CCDC141: variants seen among roughly 807,000 people sequenced by gnomAD.
CCDC141 encodes the protein coiled-coil domain containing 141, also known as coiled-coil domain-containing protein 141.
In CCDC141, 168 loss-of-function variants were observed where a neutral mutation model predicts 181.0. The observed-to-expected ratio is 0.93, with a 90% confidence interval of 0.82 to 1.05. The LOEUF is 1.05. Among genes scored for constraint, CCDC141 ranks in the 50% least tolerant of loss-of-function variants. CCDC141 has a pLI of 0.00. For synonymous variants in CCDC141, 666 were observed against 642.3 expected, an observed-to-expected ratio of 1.04 and a Z score of -0.56; for missense variants, 1,902 against 1,788.5, an observed-to-expected ratio of 1.06 and a Z score of -1.14.
intron 8 of CCDC141, among the ~76,000 whole-genome samples, chr2:178,893,417 A>G (rs1687250107): frequency 6.6e-6 from 1 of 152,154 alleles, no homozygotes; most frequent in Admixed American, 6.5e-5. Context: ...CAAACCTTTC[A>G]TAAATTACTA....
At position 178,886,817 on chromosome 2, in the gene CCDC141, C is replaced by A; in HGVS notation, c.1462G>T (p.Gly488Cys). The stretch of plus-strand genomic sequence containing the variant: ...TTCTCTGATTCAGAACGGGTAGAAC[C>A]AACATCCATTGCATTAGAAAGTACT... ...SPVLSNAMDV[G>C]STRSESEKIL... The change falls in exon 10 of 24, where the codon GGT becomes TGT. Residue 488 changes from glycine (G) to cysteine (C), a missense_variant. Coordinates refer to ENST00000443758, the MANE Select transcript of CCDC141 (RefSeq NM_173648.4). 1.4e-6 allele frequency: 2 copies of A among 1,476,468 alleles called. No homozygotes were observed. The highest frequency in any genetic ancestry group is 1.8e-6 in the Non-Finnish European group (2 of 1,115,518). The allele number at this position is 1,476,468 out of a possible 1,614,324, so 91.5% of individuals were successfully genotyped here.
chr2:178,910,529 C>T (rs1459646344), intron 7 of CCDC141, among the ~76,000 whole-genome samples: 2 of 152,174 alleles, frequency 1.3e-5, no homozygotes, highest in Admixed American at 6.5e-5. Flanking sequence ...CCCTTAGGTT[C>T]TGTTACAAAG....
chr2:179,045,376 T>C (rs546621845), intron 2 of CCDC141, among the ~76,000 whole-genome samples: 1 of 147,664 alleles, frequency 6.8e-6, no homozygotes, highest in South Asian at 2.2e-4. Context: ...TATTCCATGG[T>C]GTATATGTGC....
intron 19 of CCDC141, among the ~76,000 whole-genome samples, chr2:178,853,954 C>A (rs1342190999): frequency 6.6e-6 from 1 of 152,060 alleles, no homozygotes; most frequent in Non-Finnish European, 1.5e-5. Context: ...TAAGAACAGG[C>A]AGGATAAAAA....
Position 178,833,465 on chromosome 2 carries a change from G to A in CCDC141, c.*708C>T, listed in dbSNP as rs543699266. 3 of 152,200 alleles carry A rather than the reference G, an allele frequency of 2.0e-5. No individual in the cohort carries two copies. Among genetic ancestry groups the A allele is most frequent in the East Asian group, 1.9e-4 (1 of 5,206 alleles). 9.4% of individuals were successfully genotyped at this position (152,200 alleles called of 1,614,324 possible). On this transcript the variant is annotated 3_prime_UTR_variant, in exon 24 of 24. Coordinates refer to ENST00000443758, the MANE Select transcript of CCDC141 (RefSeq NM_173648.4). ...CATTGCTGCTCAAAACACATCAATA[G>A]AATGTCAGGAATAACGTTGGTTCTT... is the stretch of plus-strand genomic sequence containing the variant.
chr2:178,920,506 G>A (rs1011861070), intron 6 of CCDC141, among the ~76,000 whole-genome samples: 2 of 152,112 alleles, frequency 1.3e-5, no homozygotes, highest in African/African-American at 2.4e-5. Context: ...CAGATGGCAT[G>A]AGCCCAGGAG....
intron 5 of CCDC141, among the ~76,000 whole-genome samples, chr2:178,955,419 G>A (rs529570382): frequency 2.9e-4 from 44 of 152,180 alleles, no homozygotes; most frequent in Non-Finnish European, 5.0e-4. Context: ...AACAGAGTAA[G>A]CGTTAATTAT....
chr2:179,024,817 C>T (rs1349891103), intron 2 of CCDC141, among the ~76,000 whole-genome samples: 2 of 152,108 alleles, frequency 1.3e-5, no homozygotes, highest in Non-Finnish European at 2.9e-5. Context: ...ATTGATGGCA[C>T]TTTAATGTTG....
At chr2:178,996,234 T>C (rs1407275929) in intron 2 of CCDC141, among the ~76,000 whole-genome samples, 1 of 151,972 alleles carries the variant, frequency 6.6e-6, no homozygotes, top group Non-Finnish European at 1.5e-5. Flanking sequence ...TGCACCACCA[T>C]GCCTGGCTAA....
rs138743558 is a variant in CCDC141, at chr2:178,885,125, G to C, written c.1528-33C>G. Reference sequence around the variant, plus strand: ...AGCAAAGCACTGGAGGTCAGAAACTGACAGGGGAATCATGAACATTCACGT... The same window carrying C: ...AGCAAAGCACTGGAGGTCAGAAACTCACAGGGGAATCATGAACATTCACGT... On this transcript the variant is annotated intron_variant, in intron 10 of 23. Transcript: ENST00000443758. 291 of 1,449,562 alleles carry C rather than the reference G, an allele frequency of 2.0e-4. No homozygotes were observed. In the African/African-American group the frequency reaches 3.2e-3, roughly 16 times the overall value. 89.8% of individuals were successfully genotyped at this position (1,449,562 alleles called of 1,614,324 possible). A position where few individuals can be genotyped will look rare whatever the true frequency, so the allele number is the denominator to read the frequency against.
At chr2:178,895,090 G>A (rs929413366) in intron 8 of CCDC141, among the ~76,000 whole-genome samples, 3 of 152,050 alleles carry the variant, frequency 2.0e-5, no homozygotes, top group South Asian at 2.1e-4. Context: ...CCTGCTTACC[G>A]TTATATTGTG....
intron 6 of CCDC141, 112 bp downstream of exon 6, chr2:178,944,423 T>C: frequency 2.2e-6 from 1 of 458,084 alleles, no homozygotes; most frequent in Non-Finnish European, 3.8e-6. Flanking sequence ...ACATGAACAG[T>C]AGATTAATCA....
At chr2:178,893,156 G>A (rs968260256) in intron 8 of CCDC141, among the ~76,000 whole-genome samples, 1 of 151,952 alleles carries the variant, frequency 6.6e-6, no homozygotes, top group Non-Finnish European at 1.5e-5. Context: ...AACTCCAAAT[G>A]AGAACATTCT....
intron 6 of CCDC141, among the ~76,000 whole-genome samples, chr2:178,943,831 T>G (rs1459516654): frequency 6.6e-6 from 1 of 152,164 alleles, no homozygotes; most frequent in African/African-American, 2.4e-5. Context: ...AAAACACTGG[T>G]GCTTTACTCA....
intron 8 of CCDC141, among the ~76,000 whole-genome samples, chr2:178,892,877 T>C (rs1687223541): frequency 6.6e-6 from 1 of 152,184 alleles, no homozygotes; most frequent in Non-Finnish European, 1.5e-5. Flanking sequence ...GCCTGTCATT[T>C]TGTTCTGATT....
chr2:178,875,207 G>A (rs973255355), intron 12 of CCDC141: 19 of 152,166 alleles, frequency 1.2e-4, no homozygotes, highest in East Asian at 3.9e-4. Flanking sequence ...ATAAATATTC[G>A]CTAGTTCTGC....
intron 5 of CCDC141, among the ~76,000 whole-genome samples, chr2:178,947,597 TTGTGTGTGGTG>T (rs928782939): frequency 7.2e-5 from 11 of 152,076 alleles, no homozygotes; most frequent in Non-Finnish European, 1.6e-4. Flanking sequence ...AGGCAGATCT[TTGTGTGTGGTG>T]TGTGTGTAGT....
At chr2:178,889,912 A>G (rs1001802760) in intron 8 of CCDC141, among the ~76,000 whole-genome samples, 1 of 152,242 alleles carries the variant, frequency 6.6e-6, no homozygotes, top group Middle Eastern at 3.2e-3. Flanking sequence ...ATTAAGAAAT[A>G]GTTCTTAACA....
intron 8 of CCDC141, among the ~76,000 whole-genome samples, chr2:178,891,900 T>TC (rs199856532): frequency 0.015 from 2,311 of 152,194 alleles, 61 homozygotes; most frequent in African/African-American, 0.052. Context: ...ATAAATGGTG[T>TC]CCTATTTATT....
Sources: allele counts gnomAD v4.1 joint callset (sites outside exome capture counted in the v4.1 genomes callset), GRCh38; gene constraint gnomAD v4.1.1; transcripts MANE v1.5; gene names NCBI Gene and HGNC (gene_info 2026-07-23, HGNC 2026-07-21).